Variants in AZIN2 observed in about 807,000 individuals in gnomAD.
AZIN2 encodes antizyme inhibitor 2, also known as ODC antizyme inhibitor-2.
A neutral mutation model predicts 47.8 loss-of-function variants in AZIN2; 28 were observed. The ratio of observed to expected loss-of-function variants is 0.59; its 90% confidence interval spans 0.43 to 0.80. The LOEUF (loss-of-function observed/expected upper bound fraction) is 0.80, where lower values mean the gene tolerates loss of function less well. Among genes scored for constraint, AZIN2 ranks in the 30% least tolerant of loss-of-function variants. The pLI is 0.00. For synonymous variants in AZIN2, 221 were observed against 239.4 expected (o/e 0.92, Z 0.71); for missense variants, 535 against 582.5 (o/e 0.92, Z 0.84).
intron 10 of AZIN2, among the ~76,000 whole-genome samples, chr1:33,115,604 TGA>T (rs1644502739): frequency 3.6e-5 from 2 of 55,442 alleles, no homozygotes; most frequent in South Asian, 1.8e-3. Context: ...CTCGGGAGGC[TGA>T]GACAGGAGAA....
the AZIN2 span, chr1:33,165,539 G>A: frequency 2.2e-5 from 36 of 1,610,828 alleles, no homozygotes; most frequent in Non-Finnish European, 2.7e-5. This position sits in a 1 kb window ranked among gnomAD's most constrained non-coding sequence, Gnocchi z 4.0. Context: ...CTGTCTTGAA[G>A]GGCCTGAAGT....
intron 5 of AZIN2, among the ~76,000 whole-genome samples, chr1:33,086,109 G>A (rs79260005): frequency 0.012 from 1,753 of 152,318 alleles, 10 homozygotes; most frequent in Middle Eastern, 0.034. Flanking sequence ...AGCGGGGACT[G>A]GAGAAGCATC....
At chr1:33,148,828 C>T in the AZIN2 span, among the ~76,000 whole-genome samples, 3 of 152,178 alleles carry the variant, frequency 2.0e-5, no homozygotes, top group Non-Finnish European at 2.9e-5. Context: ...TAGGCCAACT[C>T]TTCCATTTGA....
At chr1:33,090,856 G>A (rs1426702487) in intron 5 of AZIN2, among the ~76,000 whole-genome samples, 1 of 151,988 alleles carries the variant, frequency 6.6e-6, no homozygotes, top group African/African-American at 2.4e-5. Context: ...CTGCCCCCTC[G>A]CCATTGACCC....
chr1:33,094,863 C>T, intron 8 of AZIN2, 150 bp downstream of exon 8: 1 of 866,750 alleles, frequency 1.2e-6, no homozygotes, highest in Non-Finnish European at 1.8e-6. Context: ...GCTTATTAAC[C>T]CTGTGCTACA....
the AZIN2 span, among the ~76,000 whole-genome samples, chr1:33,151,226 C>T: frequency 3.3e-5 from 5 of 152,072 alleles, no homozygotes; most frequent in Admixed American, 6.5e-5. Context: ...CCCTGGCGAG[C>T]GGACCTGTGC....
the AZIN2 span, among the ~76,000 whole-genome samples, chr1:33,135,486 T>A: frequency 6.6e-6 from 1 of 152,312 alleles, no homozygotes; most frequent in East Asian, 1.9e-4. Context: ...GGCATTACTA[T>A]TATTTCGACT....
At chr1:33,115,156 C>CT (rs1278732597) in intron 10 of AZIN2, among the ~76,000 whole-genome samples, 4 of 152,134 alleles carry the variant, frequency 2.6e-5, no homozygotes, top group African/African-American at 9.7e-5. Flanking sequence ...CCTTCCCTCT[C>CT]TGAGTTTTCT....
Position 33,098,028 on chromosome 1 carries a change from T to C in AZIN2, c.917-39T>C, listed in dbSNP as rs552991900. Reference sequence around the variant, plus strand: ...TCAGCCCCACTACCACCCCCTCACATTGCTACTTGTGCTGCCTCTGAACCC... The same window carrying C: ...TCAGCCCCACTACCACCCCCTCACACTGCTACTTGTGCTGCCTCTGAACCC... On this transcript the variant is annotated intron_variant, in intron 9 of 11. Coordinates refer to ENST00000294517, the MANE Select transcript of AZIN2 (RefSeq NM_052998.4). 9 of 1,499,142 alleles carry C rather than the reference T, an allele frequency of 6.0e-6. No homozygotes were observed. The African/African-American group carries it at 9.6e-5, about 16-fold the overall frequency. 92.9% of individuals were successfully genotyped at this position (1,499,142 alleles called of 1,614,324 possible).
chr1:33,093,088 T>C (rs1054034862), intron 6 of AZIN2, among the ~76,000 whole-genome samples, 194 bp from the exon 7 acceptor site: 2 of 152,090 alleles, frequency 1.3e-5, no homozygotes, highest in African/African-American at 4.8e-5. Context: ...GCTGCAGGAA[T>C]GGGTCAGGGA....
the AZIN2 span, among the ~76,000 whole-genome samples, chr1:33,166,555 A>G: frequency 6.6e-6 from 1 of 152,170 alleles, no homozygotes; most frequent in African/African-American, 2.4e-5. Context: ...GGGAGGCACA[A>G]TTATTATCTC....
In AZIN2 at chr1:33,120,164, C is replaced by T; in HGVS notation, c.1365C>T (p.Thr455=). 2 of 1,609,450 alleles carry T rather than the reference C, an allele frequency of 1.2e-6. No individual in the cohort carries two copies. The highest frequency in any genetic ancestry group is 1.7e-6 in the Non-Finnish European group (2 of 1,176,336). Residue 455 remains threonine, a synonymous_variant, in exon 12 of 12, where the codon ACC becomes ACT. Coordinates refer to ENST00000294517, the MANE Select transcript of AZIN2 (RefSeq NM_052998.4). ...CCCTGTGCGTGGGCCCTGTCTTCAC[C>T]CCAGCGAGCATCATGTGAGTGGGCC... is the stretch of plus-strand genomic sequence containing the variant. The part of the protein sequence containing the change: ...TDTLCVGPVF[T]PASIM
At chr1:33,157,514 T>C in the AZIN2 span, among the ~76,000 whole-genome samples, 2 of 152,276 alleles carry the variant, frequency 1.3e-5, no homozygotes, top group Admixed American at 1.3e-4. Context: ...CAGTATCTAA[T>C]ATGCTCTGTA....
At chr1:33,086,235 G>A (rs1641881398) in intron 5 of AZIN2, among the ~76,000 whole-genome samples, 1 of 152,036 alleles carries the variant, frequency 6.6e-6, no homozygotes, top group Non-Finnish European at 1.5e-5. Context: ...TTTTAATGGG[G>A]ATTCTGACCG....
intron 6 of AZIN2, 35 bp downstream of exon 6, chr1:33,092,257 G>A (rs1032791637): frequency 1.3e-6 from 2 of 1,543,566 alleles, no homozygotes; most frequent in South Asian, 1.1e-5. Flanking sequence ...AGGCTGGGCT[G>A]TGGGGAGCCT....
At chr1:33,098,203 G>A (rs756067938) in intron 10 of AZIN2, 24 bp downstream of exon 10, 1 of 1,509,870 alleles carries the variant, frequency 6.6e-7, no homozygotes, top group Non-Finnish European at 9.1e-7. Context: ...ACGTGGGCCT[G>A]TTTTCAGTTG....
intron 11 of AZIN2, chr1:33,118,437 T>A: frequency 4.1e-6 from 1 of 243,428 alleles, no homozygotes; most frequent in Non-Finnish European, 7.9e-6. Flanking sequence ...GAGTGGGTGG[T>A]AGGACTTCCC....
At chr1:33,158,080 A>T in the AZIN2 span, among the ~76,000 whole-genome samples, 1 of 152,214 alleles carries the variant, frequency 6.6e-6, no homozygotes, top group African/African-American at 2.4e-5. Flanking sequence ...ATGAAGGTCC[A>T]CTGAGCTGAG....
chr1:33,100,777 A>T (rs1304922772), intron 10 of AZIN2, among the ~76,000 whole-genome samples: 3 of 152,146 alleles, frequency 2.0e-5, no homozygotes, highest in African/African-American at 7.2e-5. Flanking sequence ...AGCTATCCCC[A>T]ACTGTCTCAT....
Sources: allele counts gnomAD v4.1 joint callset (sites outside exome capture counted in the v4.1 genomes callset), GRCh38; gene constraint gnomAD v4.1.1; non-coding constraint Gnocchi (gnomAD v3.1); transcripts MANE v1.5; gene names NCBI Gene and HGNC (gene_info 2026-07-23, HGNC 2026-07-21).